Variants in PHLPP1 observed in about 807,000 individuals in gnomAD.
The protein encoded by PHLPP1 is PH domain leucine-rich repeat-containing protein phosphatase 1.
In PHLPP1, 42 loss-of-function variants were observed where a neutral mutation model predicts 117.2. The ratio of observed to expected loss-of-function variants is 0.36; its 90% CI spans 0.28 to 0.46. The LOEUF is 0.46. Among genes scored for constraint, PHLPP1 ranks in the 20% least tolerant of loss-of-function variants. The probability of loss-of-function intolerance (pLI) is 1.00; values close to 1 mark genes in which losing one functional copy is unlikely to be tolerated. For synonymous variants in PHLPP1, 1,042 were observed against 970.7 expected, an observed-to-expected ratio of 1.07 and a Z score of -1.37; for missense variants, 2,084 against 2,241.9, an observed-to-expected ratio of 0.93 and a Z score of 1.42.
At chr18:62,853,095 T>C (rs570521558) in intron 3 of PHLPP1, among the ~76,000 whole-genome samples, 2 of 152,282 alleles carry the variant, frequency 1.3e-5, no homozygotes, top group South Asian at 2.1e-4. Context: ...TGGCCACCCA[T>C]TGAGTCATCT....
At chr18:62,852,604 A>C (rs1381547078) in intron 3 of PHLPP1, among the ~76,000 whole-genome samples, 1 of 152,160 alleles carries the variant, frequency 6.6e-6, no homozygotes, top group African/African-American at 2.4e-5. Context: ...CGGCCTTCCA[A>C]AGTGCTGGGA....
chr18:62,760,821 G>A (rs1216408146), intron 1 of PHLPP1, among the ~76,000 whole-genome samples: 1 of 152,174 alleles, frequency 6.6e-6, no homozygotes, highest in Non-Finnish European at 1.5e-5. Flanking sequence ...AATTTACAGT[G>A]ATACCTCTTG....
intron 2 of PHLPP1, 82 bp downstream of exon 2, chr18:62,830,313 T>C (rs1914721848): frequency 8.7e-7 from 1 of 1,150,098 alleles, no homozygotes; most frequent in Non-Finnish European, 1.2e-6. Flanking sequence ...TGGTCTCAAC[T>C]CACTGCAACC....
chr18:62,968,960 T>TTC (rs1219301638), intron 14 of PHLPP1, among the ~76,000 whole-genome samples: 1 of 152,242 alleles, frequency 6.6e-6, no homozygotes, highest in African/African-American at 2.4e-5. Flanking sequence ...TTTATTGATA[T>TTC]TCTCAAAGAA....
chr18:62,866,549 AG>A (rs1461274498), intron 4 of PHLPP1, among the ~76,000 whole-genome samples: 1 of 152,182 alleles, frequency 6.6e-6, no homozygotes, highest in Non-Finnish European at 1.5e-5. Flanking sequence ...CTGGCCCAAA[AG>A]GTTAGTATTT....
At chr18:62,791,761 C>T (rs1913465441) in intron 1 of PHLPP1, among the ~76,000 whole-genome samples, 1 of 152,114 alleles carries the variant, frequency 6.6e-6, no homozygotes, top group Non-Finnish European at 1.5e-5. Flanking sequence ...AGACTTTTGT[C>T]TTCATAGGAA....
At chr18:62,821,753 GTTC>G (rs1914464729) in intron 1 of PHLPP1, among the ~76,000 whole-genome samples, 2 of 150,500 alleles carry the variant, frequency 1.3e-5, no homozygotes, top group Non-Finnish European at 3.0e-5. Flanking sequence ...AAGAATGTAT[GTTC>G]TTTTTTTTTT....
chr18:62,766,076 A>AAAAAAAAAAAAAAAATATATAT, intron 1 of PHLPP1, among the ~76,000 whole-genome samples: 1 of 21,648 alleles, frequency 4.6e-5, no homozygotes, highest in African/African-American at 1.5e-4. Context: ...AAAAAAAAAA[A>AAAAAAAAAAAAAAAATATATAT]ATATATATAT....
At chr18:62,728,381 G>C (rs961359313) in intron 1 of PHLPP1, among the ~76,000 whole-genome samples, 2 of 151,818 alleles carry the variant, frequency 1.3e-5, no homozygotes, top group African/African-American at 4.8e-5. Flanking sequence ...AATTTATTTT[G>C]CATTAGGCAG....
chr18:62,815,562 T>G (rs2144315775), intron 1 of PHLPP1, among the ~76,000 whole-genome samples: 1 of 152,318 alleles, frequency 6.6e-6, no homozygotes, highest in African/African-American at 2.4e-5. Context: ...TGTTGGCCTT[T>G]TCAAAGGATT....
At chr18:62,929,079 T>G (rs1316880551) in intron 10 of PHLPP1, among the ~76,000 whole-genome samples, 1 of 152,166 alleles carries the variant, frequency 6.6e-6, no homozygotes, top group East Asian at 1.9e-4. Flanking sequence ...TGCACAAGTT[T>G]GTGAAAAAAA....
chr18:62,770,995 G>T (rs1188620544), intron 1 of PHLPP1, among the ~76,000 whole-genome samples: 2 of 152,082 alleles, frequency 1.3e-5, no homozygotes, highest in Admixed American at 6.5e-5. Context: ...GAGGTGGGTG[G>T]ATCACCTGAG....
intron 1 of PHLPP1, among the ~76,000 whole-genome samples, chr18:62,754,519 G>A (rs750208597): frequency 7.2e-5 from 11 of 152,188 alleles, no homozygotes; most frequent in South Asian, 2.1e-4. Context: ...TGCAGTTAAC[G>A]CTGAGAGAGC....
At chr18:62,914,028 A>T (rs1422238727) in intron 8 of PHLPP1, among the ~76,000 whole-genome samples, 1 of 152,076 alleles carries the variant, frequency 6.6e-6, no homozygotes. Flanking sequence ...TACAAGCATG[A>T]GCTACCATGC....
rs546553505 is a variant in PHLPP1 at position 62,961,448 on chromosome 18, A to ATT, written c.3456-1911_3456-1910dup. Among the ~76,000 whole-genome samples the ATT allele has an allele frequency of 7.3e-4, 110 of 149,742 alleles. 1 individual carries two copies. Among genetic ancestry groups the ATT allele is most frequent in the African/African-American group, 2.6e-3 (107 of 40,820 alleles). On this transcript the variant is annotated intron_variant, in intron 13 of 16. Coordinates refer to ENST00000262719, the MANE Select transcript of PHLPP1 (RefSeq NM_194449.4). ...TGGGGAGAGGGGGCAGTTAAGAGTT[A>ATT]TTTTTTTTTTCCTTTAATAATCAGG...
At chr18:62,966,688 C>A (rs1342625998) in intron 14 of PHLPP1, among the ~76,000 whole-genome samples, 1 of 152,096 alleles carries the variant, frequency 6.6e-6, no homozygotes, top group Non-Finnish European at 1.5e-5. Context: ...CCAGGATGGT[C>A]TCGATCTCCT....
At chr18:62,764,347 A>G (rs1204344622) in intron 1 of PHLPP1, among the ~76,000 whole-genome samples, 1 of 151,970 alleles carries the variant, frequency 6.6e-6, no homozygotes, top group Non-Finnish European at 1.5e-5. Context: ...CCTCTTCCTT[A>G]TTATGGATTT....
At chr18:62,928,490 G>A (rs1466014100) in intron 10 of PHLPP1, among the ~76,000 whole-genome samples, 1 of 152,148 alleles carries the variant, frequency 6.6e-6, no homozygotes, top group Non-Finnish European at 1.5e-5. Context: ...CACTAGGGTG[G>A]CTATAATCAA....
chr18:62,837,912 C>T (rs915969614), intron 2 of PHLPP1: 1 of 152,094 alleles, frequency 6.6e-6, no homozygotes, highest in Non-Finnish European at 1.5e-5. Flanking sequence ...GGTGATCCAC[C>T]TGCCTCGGCC....
Sources: allele counts gnomAD v4.1 joint callset (sites outside exome capture counted in the v4.1 genomes callset), GRCh38; gene constraint gnomAD v4.1.1; transcripts MANE v1.5; gene names NCBI Gene and HGNC (gene_info 2026-07-23, HGNC 2026-07-21).